The following GSDME variants were observed in gnomAD, a reference collection of about 807,000 sequenced individuals.
The protein encoded by GSDME is gasdermin-E.
A neutral mutation model predicts 47.5 loss-of-function variants in GSDME; 44 were observed. The ratio of observed to expected loss-of-function variants is 0.93; its 90% CI spans 0.73 to 1.19. GSDME has a LOEUF of 1.19. Among genes scored for constraint, GSDME ranks in the 50% most tolerant of loss-of-function variants. The pLI is 0.00. For synonymous variants in GSDME, 258 were observed against 252.8 expected, an observed-to-expected ratio of 1.02 and a Z score of -0.20; for missense variants, 663 against 604.2, an observed-to-expected ratio of 1.10 and a Z score of -1.02.
At chr7:24,784,382 A>G in the GSDME span, among the ~76,000 whole-genome samples, 1 of 152,212 alleles carries the variant, frequency 6.6e-6, no homozygotes. Context: ...CGAAGCCAGT[A>G]GTTGCTCAGT....
In GSDME at chr7:24,725,586, G is replaced by C. The variant is rs1420552348; in HGVS notation, c.405-6368C>G. Among the ~76,000 whole-genome samples, 1 of 152,202 alleles carries C rather than the reference G, an allele frequency of 6.6e-6. No individual in the cohort carries two copies. Among genetic ancestry groups the C allele is most frequent in the African/African-American group, 2.4e-5 (1 of 41,442 alleles). ...CACAACTCTAAGGGGGTGCGCATGA[G>C]AGGGTCGTGATCGATTGAGCAAGCA... On this transcript the variant is annotated intron_variant, in intron 3 of 9. Transcript: ENST00000645220. This position sits in a 1 kb window ranked among gnomAD's most constrained non-coding sequence, Gnocchi z 5.1.
At chr7:24,729,622 C>G (rs886235) in intron 3 of GSDME, among the ~76,000 whole-genome samples, 67,466 of 151,838 alleles carry the variant, frequency 0.44, 17,001 homozygotes, top group East Asian at 0.82. Flanking sequence ...TCCTTCATGC[C>G]TCTGTGCAGA....
chr7:24,727,345 C>A (rs1390484867), intron 3 of GSDME, among the ~76,000 whole-genome samples: 3 of 152,188 alleles, frequency 2.0e-5, no homozygotes, highest in Non-Finnish European at 4.4e-5. Flanking sequence ...GGTACAAATG[C>A]AGACTGAGGA....
chr7:24,736,586 C>A lies in GSDME; in HGVS notation c.404+7976G>T, dbSNP rs970877069. Among the ~76,000 whole-genome samples the A allele has an allele frequency of 7.2e-5, 11 of 152,266 alleles. No individual in the cohort carries two copies. Among genetic ancestry groups the A allele is most frequent in the African/African-American group, 2.6e-4 (11 of 41,550 alleles). On this transcript the variant is annotated intron_variant, in intron 3 of 9. Coordinates refer to ENST00000645220, the MANE Select transcript of GSDME (RefSeq NM_001127453.2). The surrounding 1 kb of genome is among the most constrained non-coding windows in gnomAD (Gnocchi z 4.6). ...GCAGTAATACCTGGAGACATCAACACCTAGCTTTCAGCATTTGACAGATCA... is the reference window on the plus strand; with the variant it reads ...GCAGTAATACCTGGAGACATCAACAACTAGCTTTCAGCATTTGACAGATCA...
intron 1 of GSDME, among the ~76,000 whole-genome samples, chr7:24,753,661 G>C (rs1366846060): frequency 1.3e-5 from 2 of 152,148 alleles, no homozygotes; most frequent in Non-Finnish European, 2.9e-5. Context: ...TTGGATTTTT[G>C]CAAGTCTGAT....
the GSDME span, among the ~76,000 whole-genome samples, chr7:24,792,688 C>T: frequency 6.6e-6 from 1 of 151,990 alleles, no homozygotes; most frequent in East Asian, 2.0e-4. Context: ...AACTCTGGAG[C>T]AGGTGGTGCT....
Position 24,726,650 on chromosome 7 carries a change from C to T in GSDME, c.405-7432G>A, listed in dbSNP as rs1402934545. ...CATCCTGGTTAATATGGTGAAACCC[C>T]GTCTCTACTAAAAATACAAAAAATC... On this transcript the variant is annotated intron_variant, in intron 3 of 9. Coordinates refer to ENST00000645220, the MANE Select transcript of GSDME (RefSeq NM_001127453.2). This position sits in a 1 kb window ranked among gnomAD's most constrained non-coding sequence, Gnocchi z 5.6. 2.6e-5 allele frequency among the ~76,000 whole-genome samples: 4 copies of T among 151,986 alleles called. No individual in the cohort carries two copies. Among genetic ancestry groups the T allele is most frequent in the African/African-American group, 4.8e-5 (2 of 41,368 alleles).
At position 24,702,841 on chromosome 7, in the gene GSDME, A is replaced by G; in HGVS notation, c.1184-8T>C. ...CTGCGCTATCTGGCATTTCTGCAGG[A>G]GAGAAAAATCACAGTCACAGTCCAA... On this transcript the variant is annotated splice_polypyrimidine_tract_variant and splice_region_variant and intron_variant, in intron 8 of 9. Transcript: ENST00000645220. 6.2e-7 allele frequency: 1 copy of G among 1,612,040 alleles called. No individual in the cohort carries two copies. The highest frequency in any genetic ancestry group is 8.5e-7 in the Non-Finnish European group (1 of 1,178,776).
intron 3 of GSDME, among the ~76,000 whole-genome samples, chr7:24,734,163 T>C (rs2128059209): frequency 6.6e-6 from 1 of 152,370 alleles, no homozygotes; most frequent in Middle Eastern, 3.4e-3. Context: ...CCAGATCTTA[T>C]ACAAGACCAC....
Position 24,708,221 on chromosome 7 carries a change from AATGG to A in GSDME, c.892_895del (p.Pro298LeufsTer12). The A allele has an allele frequency of 6.2e-7, 1 of 1,614,152 alleles. No homozygotes were observed. Among genetic ancestry groups the A allele is most frequent in the South Asian group, 1.1e-5 (1 of 91,056 alleles). ...CTGTTGTGGCTCAGGCAGCTCCGCA[AATGG>A]ATGGAAATTCCTCTCCAGGAGCAGG... is the stretch of plus-strand genomic sequence containing the variant. On this transcript the variant is annotated frameshift_variant, in exon 7 of 10. Transcript: ENST00000645220. LOFTEE classifies it high-confidence loss of function.
intron 7 of GSDME, chr7:24,707,708 A>C: frequency 2.5e-6 from 1 of 395,422 alleles, no homozygotes; most frequent in African/African-American, 2.0e-5. Flanking sequence ...ACAGAGGGGA[A>C]GCCCACATGG....
intron 5 of GSDME, among the ~76,000 whole-genome samples, chr7:24,711,447 GT>G (rs3216227): frequency 0.17 from 26,080 of 151,974 alleles, 2,404 homozygotes; most frequent in Admixed American, 0.24. Flanking sequence ...CTGACCTCAA[GT>G]TGATCCACCT....
At chr7:24,784,261 A>G in the GSDME span, among the ~76,000 whole-genome samples, 2 of 152,152 alleles carry the variant, frequency 1.3e-5, no homozygotes, top group Non-Finnish European at 2.9e-5. Flanking sequence ...TAATAGGAAA[A>G]CATACACAGA....
In GSDME at chr7:24,744,468, G is replaced by A; in HGVS notation, c.404+94C>T. Reference sequence around the variant, plus strand: ...CAATACATGTTTATTGATCGGCAGAGATCAAATCTGTCGCCCTTTTAACAA... The same window carrying A: ...CAATACATGTTTATTGATCGGCAGAAATCAAATCTGTCGCCCTTTTAACAA... On this transcript the variant is annotated intron_variant, in intron 3 of 9. Coordinates refer to ENST00000645220, the MANE Select transcript of GSDME (RefSeq NM_001127453.2). This position sits in a 1 kb window ranked among gnomAD's most constrained non-coding sequence, Gnocchi z 4.5. 2 of 1,316,590 alleles carry A rather than the reference G, an allele frequency of 1.5e-6. No individual in the cohort carries two copies. The highest frequency in any genetic ancestry group is 1.1e-6 in the Non-Finnish European group (1 of 915,920). The allele number at this position is 1,316,590 out of a possible 1,614,324, so 81.6% of individuals were successfully genotyped here.
chr7:24,769,713 C>T, the GSDME span, among the ~76,000 whole-genome samples: 1 of 152,056 alleles, frequency 6.6e-6, no homozygotes, highest in African/African-American at 2.4e-5. Flanking sequence ...GTTCAGCTTT[C>T]AACAAAAAAT....
At position 24,726,594 on chromosome 7, in the gene GSDME, CG is replaced by C. The variant is rs1395645965; in HGVS notation, c.405-7377del. Among the ~76,000 whole-genome samples, 1 of 152,044 alleles carries C rather than the reference CG, an allele frequency of 6.6e-6. No homozygotes were observed. The highest frequency in any genetic ancestry group is 2.4e-5 in the African/African-American group (1 of 41,406). On this transcript the variant is annotated intron_variant, in intron 3 of 9. Coordinates refer to ENST00000645220, the MANE Select transcript of GSDME (RefSeq NM_001127453.2). This position sits in a 1 kb window ranked among gnomAD's most constrained non-coding sequence, Gnocchi z 5.6. Reference sequence around the variant, plus strand: ...ATCCCAGCACTTTGGGAGGCCGAGGCGGGCGGATCACGAGGTCAGGAGATCG... The same window carrying C: ...ATCCCAGCACTTTGGGAGGCCGAGGCGGCGGATCACGAGGTCAGGAGATCG...
At position 24,716,975 on chromosome 7, in the gene GSDME, G is replaced by C; in HGVS notation, c.697+279C>G. On this transcript the variant is annotated intron_variant, in intron 5 of 9. Coordinates refer to ENST00000645220, the MANE Select transcript of GSDME (RefSeq NM_001127453.2). The surrounding 1 kb of genome is among the most constrained non-coding windows in gnomAD (Gnocchi z 4.5). ...TGCAGAGCCCAGGTTGATGCCCAGA[G>C]GACACAGCCCAGCCCTCTACTGTGC... is the stretch of plus-strand genomic sequence containing the variant. 2.1e-6 allele frequency: 1 copy of C among 465,770 alleles called. No individual in the cohort carries two copies. The highest frequency in any genetic ancestry group is 4.0e-6 in the Non-Finnish European group (1 of 250,408). 28.9% of individuals were successfully genotyped at this position (465,770 alleles called of 1,614,324 possible). A position where few individuals can be genotyped will look rare whatever the true frequency, so the allele number is the denominator to read the frequency against.
intron 9 of GSDME, among the ~76,000 whole-genome samples, chr7:24,702,029 C>G (rs1788889337): frequency 6.6e-6 from 1 of 152,178 alleles, no homozygotes; most frequent in South Asian, 2.1e-4. Context: ...AGCAGGTTGG[C>G]CTTGGACTTT....
chr7:24,712,683 T>C lies in GSDME; in HGVS notation c.698-2295A>G, dbSNP rs1789400943. Among the ~76,000 whole-genome samples the C allele has an allele frequency of 6.6e-6, 1 of 152,100 alleles. No individual in the cohort carries two copies. The highest frequency in any genetic ancestry group is 6.6e-5 in the Admixed American group (1 of 15,262). The stretch of plus-strand genomic sequence containing the variant: ...GGAGGAAAAACATCTTTCCTTCTGC[T>C]CATCCTAGGTTCATGGCTGAGGCCC... On this transcript the variant is annotated intron_variant, in intron 5 of 9. Transcript: ENST00000645220. The surrounding 1 kb of genome is among the most constrained non-coding windows in gnomAD (Gnocchi z 4.4).
Sources: allele counts gnomAD v4.1 joint callset (sites outside exome capture counted in the v4.1 genomes callset), GRCh38; gene constraint gnomAD v4.1.1; non-coding constraint Gnocchi (gnomAD v3.1); transcripts MANE v1.5; gene names NCBI Gene and HGNC (gene_info 2026-07-23, HGNC 2026-07-21).